NAV1: variants seen among roughly 807,000 people sequenced by gnomAD.
The protein encoded by NAV1 is neuron navigator 1.
In NAV1, 18 loss-of-function variants were observed where a neutral mutation model predicts 175.2. The observed-to-expected ratio is 0.10, with a 90% CI of 0.07 to 0.15. NAV1 has a LOEUF of 0.15. NAV1 is among the 10% of genes least tolerant of loss of function. NAV1 has a pLI of 1.00. For missense variants in NAV1, 1,731 were observed against 2,436.6 expected, an observed-to-expected ratio of 0.71 and a Z score of 6.10; for synonymous variants, 897 against 978.7, an observed-to-expected ratio of 0.92 and a Z score of 1.56.
At chr1:201,717,962 C>T (rs556949635) in intron 2 of NAV1, among the ~76,000 whole-genome samples, 3 of 152,340 alleles carry the variant, frequency 2.0e-5, no homozygotes, top group African/African-American at 7.2e-5. Flanking sequence ...CTTCCATATA[C>T]CAGGCACTGT....
intron 1 of NAV1, among the ~76,000 whole-genome samples, chr1:201,696,332 G>C (rs1162890821): frequency 6.6e-6 from 1 of 152,206 alleles, no homozygotes. Context: ...TTAGGCAGTC[G>C]AGAGCAGCCA....
chr1:201,801,008 T>C (rs1677832550), intron 15 of NAV1, among the ~76,000 whole-genome samples: 1 of 152,054 alleles, frequency 6.6e-6, no homozygotes, highest in South Asian at 2.1e-4. Flanking sequence ...TTGTAATTAT[T>C]TGTAGAGATG....
chr1:201,639,700 G>T (rs1020708969), intron 2 of NAV1, among the ~76,000 whole-genome samples: 1 of 152,138 alleles, frequency 6.6e-6, no homozygotes, highest in South Asian at 2.1e-4. Context: ...CCTCCCAAGA[G>T]CCTTCAACCA....
At chr1:201,591,749 C>T (rs574964317) in intron 2 of NAV1, among the ~76,000 whole-genome samples, 14 of 152,168 alleles carry the variant, frequency 9.2e-5, no homozygotes, top group African/African-American at 2.9e-4. Context: ...TCCCTCTCAG[C>T]GGCATTGTCC....
At chr1:201,626,452 C>G (rs1668332979) in intron 1 of NAV1, among the ~76,000 whole-genome samples, 1 of 152,232 alleles carries the variant, frequency 6.6e-6, no homozygotes, top group Admixed American at 6.5e-5. Flanking sequence ...CCACAGCCCT[C>G]TCTTTTCAAG....
At chr1:201,666,746 C>A (rs112494284) in intron 1 of NAV1, among the ~76,000 whole-genome samples, 143 of 152,212 alleles carry the variant, frequency 9.4e-4, no homozygotes, top group African/African-American at 3.3e-3. Context: ...TGGGTGGGAG[C>A]GGCCTTCCCT....
At chr1:201,714,474 C>T (rs1055429195) in intron 2 of NAV1, among the ~76,000 whole-genome samples, 3 of 152,148 alleles carry the variant, frequency 2.0e-5, no homozygotes, top group Admixed American at 6.5e-5. Flanking sequence ...TACCTCTGCT[C>T]AGGCCAGCAG....
intron 15 of NAV1, among the ~76,000 whole-genome samples, chr1:201,802,796 A>G (rs1678020616): frequency 6.6e-6 from 1 of 151,938 alleles, no homozygotes. Context: ...AAAAGAAAGA[A>G]AAAGGAAAAA....
Position 201,750,874 on chromosome 1 carries a change from A to G in NAV1, c.1227-29547A>G, listed in dbSNP as rs1050722428. 5.3e-5 allele frequency among the ~76,000 whole-genome samples: 8 copies of G among 152,174 alleles called. No individual in the cohort carries two copies. The highest frequency in any genetic ancestry group is 1.2e-4 in the African/African-American group (5 of 41,454). On this transcript the variant is annotated intron_variant, in intron 3 of 29. Coordinates refer to ENST00000367296, the Ensembl canonical transcript of NAV1. The surrounding 1 kb of genome is among the most constrained non-coding windows in gnomAD (Gnocchi z 4.1). ...TGGTCTGGATCTACCCTGTATCAGA[A>G]CAGGATGGAAGAAAGAGCAGGATGT...
chr1:201,560,060 G>A (rs1666152562), intron 1 of NAV1, among the ~76,000 whole-genome samples: 1 of 152,154 alleles, frequency 6.6e-6, no homozygotes, highest in South Asian at 2.1e-4. Flanking sequence ...TCAGAGGATG[G>A]GAAGAGCAGA....
intron 28 of NAV1, 199 bp from the exon 33 acceptor site, chr1:201,816,889 G>C: frequency 1.7e-6 from 1 of 579,720 alleles, no homozygotes. Flanking sequence ...GGCCAGGCTG[G>C]TCTTGAACTT....
intron 1 of NAV1, among the ~76,000 whole-genome samples, chr1:201,556,561 C>T (rs1666021410): frequency 6.6e-6 from 1 of 152,202 alleles, no homozygotes; most frequent in Non-Finnish European, 1.5e-5. Context: ...ATTCCTCCTC[C>T]TGGGCTTGCA....
intron 1 of NAV1, among the ~76,000 whole-genome samples, chr1:201,705,196 C>T (rs1157844503): frequency 6.6e-6 from 1 of 152,176 alleles, no homozygotes; most frequent in African/African-American, 2.4e-5. Flanking sequence ...AGTGGAGATG[C>T]ATTACCGAGG....
intron 29 of NAV1, among the ~76,000 whole-genome samples, chr1:201,819,030 A>G (rs759390601): frequency 9.2e-5 from 14 of 152,240 alleles, no homozygotes; most frequent in Non-Finnish European, 1.8e-4. Flanking sequence ...AAAAGTAAGT[A>G]AAGAGAAGGA....
chr1:201,651,633 A>C (rs1002124840), intron 1 of NAV1, among the ~76,000 whole-genome samples: 2 of 152,158 alleles, frequency 1.3e-5, no homozygotes, highest in Non-Finnish European at 1.5e-5. Flanking sequence ...GGGAGATTCC[A>C]CATTGATCTC....
chr1:201,747,291 G>A (rs753510098), intron 3 of NAV1, among the ~76,000 whole-genome samples: 4 of 152,108 alleles, frequency 2.6e-5, no homozygotes, highest in East Asian at 1.9e-4. Context: ...TTATTTTTCC[G>A]GCTTGGAACA....
chr1:201,814,247 G>A (rs1296277338), intron 28 of NAV1, among the ~76,000 whole-genome samples: 1 of 151,874 alleles, frequency 6.6e-6, no homozygotes, highest in African/African-American at 2.4e-5. Flanking sequence ...GTGCACACCT[G>A]TAGTCCCAGC....
chr1:201,602,988 C>T (rs1057185564), intron 2 of NAV1, among the ~76,000 whole-genome samples: 1 of 152,116 alleles, frequency 6.6e-6, no homozygotes, highest in African/African-American at 2.4e-5. Context: ...GGCGAGAGCT[C>T]GGGAAGGAGT....
At chr1:201,675,875 C>T (rs184324126) in intron 1 of NAV1, among the ~76,000 whole-genome samples, 2 of 152,324 alleles carry the variant, frequency 1.3e-5, no homozygotes, top group Admixed American at 6.5e-5. Context: ...GAATGGCAAA[C>T]TTTTCATTGG....
Sources: gnomAD v4.1 joint callset for allele counts (sites outside exome capture counted in the v4.1 genomes callset) on GRCh38, gnomAD v4.1.1 for gene constraint, Gnocchi (gnomAD v3.1) non-coding constraint, MANE v1.5 for transcripts, NCBI Gene and HGNC (gene_info 2026-07-23, HGNC 2026-07-21) for gene names.